Variants in SYTL5 observed in about 807,000 individuals in gnomAD.
SYTL5 encodes synaptotagmin-like protein 5.
In SYTL5, 34 loss-of-function variants were observed where a neutral mutation model predicts 55.9. That is an observed-to-expected ratio of 0.61 (90% CI 0.46 to 0.81). The LOEUF is 0.81. SYTL5 is among the 30% of genes least tolerant of loss of function. The probability of loss-of-function intolerance (pLI) is 0.00; values close to 1 mark genes in which losing one functional copy is unlikely to be tolerated. For synonymous variants in SYTL5, 221 were observed against 188.7 expected (o/e 1.17, Z -1.40); for missense variants, 637 against 546.7 (o/e 1.17, Z -1.65).
At chrX:37,919,395 A>T in the SYTL5 span, among the ~76,000 whole-genome samples, 1 of 111,738 alleles carries the variant, frequency 8.9e-6, no homozygotes, top group Non-Finnish European at 1.9e-5. Context: ...TATAGTAAAA[A>T]CACTTAGAGA....
chrX:37,953,476 T>C, the SYTL5 span, among the ~76,000 whole-genome samples: 2 of 111,718 alleles, frequency 1.8e-5, no homozygotes, highest in African/African-American at 6.5e-5. Context: ...TGAGTATGAC[T>C]AAAGTTAGAA....
chrX:38,073,956 G>A (rs1936328520), intron 5 of SYTL5, among the ~76,000 whole-genome samples: 1 of 111,648 alleles, frequency 9.0e-6, no homozygotes, highest in South Asian at 3.8e-4. Flanking sequence ...GCACTATATG[G>A]TTCCCATTAC....
At chrX:38,083,773 CATGT>C (rs747714428) in intron 6 of SYTL5, among the ~76,000 whole-genome samples, 5 of 40,191 alleles carry the variant, frequency 1.2e-4, no homozygotes, top group Non-Finnish European at 2.0e-4. Context: ...TAAATAGACT[CATGT>C]GTGTGTGTGT....
At chrX:37,937,070 T>C in the SYTL5 span, among the ~76,000 whole-genome samples, 1 of 105,915 alleles carries the variant, frequency 9.4e-6, no homozygotes, top group Admixed American at 1.0e-4. Flanking sequence ...AAAAAGTACG[T>C]TGACAGATGT....
In SYTL5 at chrX:38,107,233, G is replaced by A. The variant is rs1434024101; in HGVS notation, c.1334+462G>A. Among the ~76,000 whole-genome samples, 10 of 111,638 alleles carry A rather than the reference G, an allele frequency of 9.0e-5. No individual in the cohort carries two copies. In the Admixed American group the frequency reaches 9.5e-4, roughly 11 times the overall value. On this transcript the variant is annotated intron_variant, in intron 11 of 16. Coordinates refer to ENST00000297875, the MANE Select transcript of SYTL5 (RefSeq NM_138780.3). ...CACTGGAGAGAAGCTAGATATAAAG[G>A]TGTGTCAGGGGTTCTCAAGACCACT...
chrX:38,125,277 T>G (rs1358825045), intron 15 of SYTL5, 21 bp from the exon 16 acceptor site: 6 of 1,188,161 alleles, frequency 5.0e-6, no homozygotes, highest in Non-Finnish European at 3.4e-6. Flanking sequence ...ATTGATGATT[T>G]GATTGTTTTT....
At chrX:37,912,542 C>T in the SYTL5 span, among the ~76,000 whole-genome samples, 2 of 111,645 alleles carry the variant, frequency 1.8e-5, no homozygotes, top group Admixed American at 9.5e-5. Flanking sequence ...CAGCACCCAA[C>T]ACCCTCAAAC....
the SYTL5 span, among the ~76,000 whole-genome samples, chrX:37,939,112 C>A: frequency 2.7e-5 from 3 of 109,513 alleles, no homozygotes; most frequent in African/African-American, 1.0e-4. Context: ...ACCCAAAAAA[C>A]TAGCTGGGCG....
chrX:37,895,750 T>C, the SYTL5 span, among the ~76,000 whole-genome samples: 1 of 109,923 alleles, frequency 9.1e-6, no homozygotes, highest in Admixed American at 9.8e-5. Context: ...CGGAGGTGGT[T>C]AAGTAATGTG....
At chrX:38,108,724 A>T in intron 12 of SYTL5, 25 bp downstream of exon 12, 5 of 1,007,269 alleles carry the variant, frequency 5.0e-6, no homozygotes, top group Non-Finnish European at 6.9e-6. Flanking sequence ...TCTCATAGTA[A>T]CTCATGTGGT....
chrX:38,103,631 A>G (rs1937136461), intron 10 of SYTL5, among the ~76,000 whole-genome samples: 1 of 110,961 alleles, frequency 9.0e-6, no homozygotes, highest in African/African-American at 3.3e-5. Context: ...TGGCCATACC[A>G]ACAATTTTTG....
the SYTL5 span, among the ~76,000 whole-genome samples, chrX:37,944,158 A>T: frequency 2.2e-3 from 245 of 111,157 alleles, no homozygotes; most frequent in African/African-American, 7.4e-3. Flanking sequence ...TTTCATGTTT[A>T]TTTATGGATT....
At chrX:37,989,904 G>A in the SYTL5 span, among the ~76,000 whole-genome samples, 1 of 110,017 alleles carries the variant, frequency 9.1e-6, no homozygotes, top group Non-Finnish European at 1.9e-5. Flanking sequence ...ACCGAGTCCC[G>A]CTCTGTCTCC....
the SYTL5 span, chrX:37,990,770 AGT>A: frequency 8.8e-7 from 1 of 1,130,615 alleles, no homozygotes; most frequent in Non-Finnish European, 1.2e-6. Context: ...ACTAAGCACT[AGT>A]GTCCTCAGAG....
Position 38,036,127 on chromosome X carries a change from G to A in SYTL5, c.119+2119G>A, listed in dbSNP as rs772895795. 1.2e-4 allele frequency among the ~76,000 whole-genome samples: 13 copies of A among 109,406 alleles called. No individual in the cohort carries two copies. The South Asian group carries it at 4.0e-3, about 34-fold the overall frequency. The stretch of plus-strand genomic sequence containing the variant: ...TTGAGACCAGCCTGGCCAACATGGC[G>A]AAACCCCGTCTCTACTAAAAATACA... On this transcript the variant is annotated intron_variant, in intron 2 of 16. Coordinates refer to ENST00000297875, the MANE Select transcript of SYTL5 (RefSeq NM_138780.3).
At chrX:37,976,219 T>A in the SYTL5 span, among the ~76,000 whole-genome samples, 1 of 112,860 alleles carries the variant, frequency 8.9e-6, no homozygotes, top group Non-Finnish European at 1.9e-5. Context: ...ATAAAGTTAG[T>A]GACTACAGAC....
the SYTL5 span, among the ~76,000 whole-genome samples, chrX:37,954,574 T>C: frequency 8.9e-6 from 1 of 112,317 alleles, no homozygotes; most frequent in Non-Finnish European, 1.9e-5. Flanking sequence ...TAGACCTCTC[T>C]ATGAAATAAC....
At chrX:38,044,010 G>A (rs1480173651) in intron 2 of SYTL5, among the ~76,000 whole-genome samples, 2 of 109,943 alleles carry the variant, frequency 1.8e-5, no homozygotes. Flanking sequence ...GGCAATCTGA[G>A]AAAATTGATT....
In SYTL5 at chrX:38,036,830, A is replaced by G. The variant is rs755726945; in HGVS notation, c.119+2822A>G. On this transcript the variant is annotated intron_variant, in intron 2 of 16. Transcript: ENST00000297875. ...TTCCCCATTTGACAACAGAAATAAT[A>G]TCAGTGACATCATAAGATTGTTCTA... 3.6e-5 allele frequency among the ~76,000 whole-genome samples: 4 copies of G among 112,255 alleles called. No individual in the cohort carries two copies. In the East Asian group the frequency reaches 8.4e-4, roughly 24 times the overall value.
Sources: gnomAD v4.1 joint callset for allele counts (sites outside exome capture counted in the v4.1 genomes callset) on GRCh38, gnomAD v4.1.1 for gene constraint, MANE v1.5 for transcripts, NCBI Gene and HGNC (gene_info 2026-07-23, HGNC 2026-07-21) for gene names.